Variants in ROBO2 observed in about 807,000 individuals in gnomAD.
ROBO2 encodes the protein roundabout homolog 2.
In ROBO2, 53 loss-of-function variants were observed where a neutral mutation model predicts 160.8. The observed-to-expected ratio is 0.33, with a 90% CI of 0.26 to 0.41. The LOEUF is 0.41. Among genes scored for constraint, ROBO2 ranks in the 10% least tolerant of loss-of-function variants. The pLI is 1.00. For synonymous variants in ROBO2, 664 were observed against 611.7 expected (o/e 1.09, Z -1.26); for missense variants, 1,577 against 1,722.4 (o/e 0.92, Z 1.49).
chr3:76,502,656 A>G (rs2080528702), intron 2 of ROBO2, among the ~76,000 whole-genome samples: 1 of 152,190 alleles, frequency 6.6e-6, no homozygotes, highest in Admixed American at 6.5e-5. Flanking sequence ...TAGGCATGCA[A>G]TGTGAAATAA....
intron 2 of ROBO2, among the ~76,000 whole-genome samples, chr3:77,144,729 G>C (rs1242071028): frequency 1.3e-5 from 2 of 152,158 alleles, no homozygotes; most frequent in African/African-American, 4.8e-5. Context: ...TTTTTAGAAA[G>C]TAAGCTGACT....
At chr3:76,746,415 T>C (rs1245216714) in intron 2 of ROBO2, among the ~76,000 whole-genome samples, 4 of 152,026 alleles carry the variant, frequency 2.6e-5, no homozygotes, top group Admixed American at 2.0e-4. Flanking sequence ...CCACACTGAC[T>C]TCCACAATGG....
At chr3:76,932,534 T>G (rs1031051383) in intron 2 of ROBO2, among the ~76,000 whole-genome samples, 1 of 152,146 alleles carries the variant, frequency 6.6e-6, no homozygotes, top group South Asian at 2.1e-4. Flanking sequence ...TTTTTCCCTT[T>G]TCTTTTGGAC....
At chr3:76,337,412 A>T (rs2073962399) in intron 2 of ROBO2, among the ~76,000 whole-genome samples, 1 of 152,224 alleles carries the variant, frequency 6.6e-6, no homozygotes, top group African/African-American at 2.4e-5. Flanking sequence ...AAAAGAGTTA[A>T]TAGATAGGAA....
chr3:77,587,172 T>C (rs897266474), intron 16 of ROBO2, among the ~76,000 whole-genome samples: 2 of 152,106 alleles, frequency 1.3e-5, no homozygotes, highest in African/African-American at 4.8e-5. Context: ...AGCTCTGCCA[T>C]TTCTTGGAAG....
chr3:76,565,419 T>G (rs916732821), intron 2 of ROBO2, among the ~76,000 whole-genome samples: 1 of 152,196 alleles, frequency 6.6e-6, no homozygotes, highest in African/African-American at 2.4e-5. Context: ...TAAACATTTA[T>G]CCACAGGATA....
chr3:77,317,231 C>G, intron 2 of ROBO2: 2 of 811,428 alleles, frequency 2.5e-6, no homozygotes, highest in Non-Finnish European at 4.4e-6. Flanking sequence ...ACGTCACAGC[C>G]CAGGTTAATG....
intron 2 of ROBO2, among the ~76,000 whole-genome samples, chr3:76,456,975 T>G (rs2077794583): frequency 6.6e-6 from 1 of 152,162 alleles, no homozygotes; most frequent in African/African-American, 2.4e-5. Context: ...TACCTCCTTG[T>G]GGGTTCCTCC....
intron 2 of ROBO2, among the ~76,000 whole-genome samples, chr3:76,362,871 C>A (rs190935260): frequency 1.3e-5 from 2 of 152,152 alleles, no homozygotes; most frequent in East Asian, 1.9e-4. Context: ...TGAGGTCGTT[C>A]AACAGAAACT....
At chr3:77,557,991 C>A (rs1214669142) in exon 9 of ROBO2, 1 of 1,612,984 alleles carries the variant, frequency 6.2e-7, no homozygotes, top group Non-Finnish European at 8.5e-7. Context: ...CCCAGCCAAC[C>A]AAACGCTGGC....
rs1256337266 is a variant in ROBO2 at position 77,198,223 on chromosome 3, A to G, written c.388+99883A>G. 3.9e-5 allele frequency among the ~76,000 whole-genome samples: 6 copies of G among 152,214 alleles called. No homozygotes were observed. The East Asian group carries it at 1.2e-3, about 29-fold the overall frequency. ...CATTCTTTATTTATAAATAATGTCTATTCATCATACATTAAAGCAAGGGGT... is the reference window on the plus strand; with the variant it reads ...CATTCTTTATTTATAAATAATGTCTGTTCATCATACATTAAAGCAAGGGGT... On this transcript the variant is annotated intron_variant, in intron 2 of 25. Transcript: ENST00000461745.
At chr3:76,886,832 T>G (rs2073930930) in intron 2 of ROBO2, among the ~76,000 whole-genome samples, 1 of 152,174 alleles carries the variant, frequency 6.6e-6, no homozygotes, top group African/African-American at 2.4e-5. Flanking sequence ...TTTGAGTTGG[T>G]GGCCACTAGC....
rs961657302 is a variant in ROBO2, at chr3:76,745,709, G to C, written c.110-352305G>C. On this transcript the variant is annotated intron_variant, in intron 2 of 26. Transcript: ENST00000487694. ...GGAGGACAGCTATCAAATTTTCTTT[G>C]AATCTCCTCTGCATTTTCTGCAGAA... Among the ~76,000 whole-genome samples the C allele has an allele frequency of 9.2e-5, 14 of 151,670 alleles. 1 individual carries two copies. Among genetic ancestry groups the C allele is most frequent in the African/African-American group, 3.1e-4 (13 of 41,342 alleles).
At chr3:77,415,598 C>A (rs1017256768) in intron 2 of ROBO2, among the ~76,000 whole-genome samples, 1 of 152,154 alleles carries the variant, frequency 6.6e-6, no homozygotes, top group Non-Finnish European at 1.5e-5. Context: ...TCATTCCACC[C>A]ACTTGGCCCA....
chr3:77,356,441 A>G (rs896341473), intron 2 of ROBO2, among the ~76,000 whole-genome samples: 12 of 152,140 alleles, frequency 7.9e-5, no homozygotes, highest in African/African-American at 2.9e-4. Context: ...TGCACATCAA[A>G]TGGCCAACAG....
chr3:76,373,422 G>C (rs2076198064), intron 2 of ROBO2, among the ~76,000 whole-genome samples: 1 of 151,918 alleles, frequency 6.6e-6, no homozygotes, highest in Non-Finnish European at 1.5e-5. Flanking sequence ...TAAATAAGAA[G>C]TCATTTATAT....
At chr3:76,887,604 G>A (rs576257644) in intron 2 of ROBO2, among the ~76,000 whole-genome samples, 4 of 152,062 alleles carry the variant, frequency 2.6e-5, no homozygotes, top group East Asian at 1.9e-4. Flanking sequence ...TAGTATTGCT[G>A]TTATAAAAAA....
At chr3:77,107,836 A>G (rs1439733680) in intron 2 of ROBO2, among the ~76,000 whole-genome samples, 2 of 152,188 alleles carry the variant, frequency 1.3e-5, no homozygotes, top group African/African-American at 2.4e-5. Flanking sequence ...TTTGGAATAA[A>G]CGTTACAGTA....
chr3:76,565,969 G>T (rs750585555), intron 2 of ROBO2, among the ~76,000 whole-genome samples: 1 of 152,108 alleles, frequency 6.6e-6, no homozygotes, highest in Non-Finnish European at 1.5e-5. Context: ...GTATTGCCTG[G>T]TACTCTGCCA....
Sources: allele counts gnomAD v4.1 joint callset (sites outside exome capture counted in the v4.1 genomes callset), GRCh38; gene constraint gnomAD v4.1.1; transcripts MANE v1.5; gene names NCBI Gene and HGNC (gene_info 2026-07-23, HGNC 2026-07-21).